The following FGGY variants were observed in gnomAD, a reference collection of about 807,000 sequenced individuals.
FGGY encodes the protein FGGY carbohydrate kinase domain containing.
In FGGY, 72 loss-of-function variants were observed where a neutral mutation model predicts 71.3. The ratio of observed to expected loss-of-function variants is 1.01; its 90% CI spans 0.84 to 1.23. The LOEUF is 1.23. Ranked by LOEUF, FGGY falls within the 50% of genes most tolerant of loss-of-function variation. The probability of loss-of-function intolerance (pLI) is 0.00; values close to 1 mark genes in which losing one functional copy is unlikely to be tolerated. For missense variants in FGGY, 668 were observed against 682.3 expected (o/e 0.98, Z 0.23); for synonymous variants, 251 against 250.3 (o/e 1.00, Z -0.02).
chr1:59,612,911 T>C (rs937446289), intron 9 of FGGY, among the ~76,000 whole-genome samples: 2 of 152,160 alleles, frequency 1.3e-5, no homozygotes, highest in Admixed American at 6.5e-5. Context: ...GGCCATTACA[T>C]AATGGTAAAG....
chr1:59,525,345 C>G (rs2094948217), intron 7 of FGGY, among the ~76,000 whole-genome samples: 1 of 152,178 alleles, frequency 6.6e-6, no homozygotes, highest in African/African-American at 2.4e-5. Flanking sequence ...GTGGAATGAG[C>G]CCAGCAGGCA....
At chr1:59,739,382 T>C (rs764899852) in intron 14 of FGGY, among the ~76,000 whole-genome samples, 25 of 152,178 alleles carry the variant, frequency 1.6e-4, no homozygotes, top group Non-Finnish European at 3.1e-4. Context: ...CAGCCTCACC[T>C]CACCTATCTG....
At chr1:59,562,425 A>G (rs2095806371) in intron 8 of FGGY, among the ~76,000 whole-genome samples, 1 of 152,240 alleles carries the variant, frequency 6.6e-6, no homozygotes, top group Non-Finnish European at 1.5e-5. Context: ...GGCTCAGGCC[A>G]GCTGATAGGT....
At chr1:59,540,772 C>T (rs77783576) in intron 7 of FGGY, among the ~76,000 whole-genome samples, 3 of 152,176 alleles carry the variant, frequency 2.0e-5, no homozygotes, top group East Asian at 1.9e-4. Flanking sequence ...CTCTGAAGAA[C>T]GGAGAGGAGG....
chr1:59,348,249 T>C (rs968753700), intron 4 of FGGY, among the ~76,000 whole-genome samples: 1 of 152,212 alleles, frequency 6.6e-6, no homozygotes, highest in Non-Finnish European at 1.5e-5. Context: ...TAAGTCCATA[T>C]CTTCTGACCA....
chr1:59,335,960 G>A (rs1033677356), intron 2 of FGGY, among the ~76,000 whole-genome samples: 15 of 151,950 alleles, frequency 9.9e-5, no homozygotes, highest in African/African-American at 2.2e-4. Flanking sequence ...TTGTCTTTTC[G>A]TTTTCTAATT....
rs181339531 is a variant in FGGY at position 59,303,049 on chromosome 1, G to A, written c.-15+5899G>A. ...ATTGTACATGCTCAAGGTGTGCAACGCAATTTGATATACATTGTGAAATGA... is the reference window on the plus strand; with the variant it reads ...ATTGTACATGCTCAAGGTGTGCAACACAATTTGATATACATTGTGAAATGA... On this transcript the variant is annotated intron_variant, in intron 1 of 15. Transcript: ENST00000303721. 1.7e-3 allele frequency among the ~76,000 whole-genome samples: 260 copies of A among 152,202 alleles called. 1 individual carries two copies. Among genetic ancestry groups the A allele is most frequent in the Non-Finnish European group, 2.9e-3 (200 of 67,996 alleles).
chr1:59,502,365 G>GA (rs2094252282), intron 6 of FGGY, among the ~76,000 whole-genome samples: 1 of 152,220 alleles, frequency 6.6e-6, no homozygotes, highest in African/African-American at 2.4e-5. Context: ...GATTGTAGAG[G>GA]AAAGAGTGAT....
At chr1:59,546,535 G>GATGATTATTATT (rs1399823769) in intron 7 of FGGY, among the ~76,000 whole-genome samples, 14 of 129,344 alleles carry the variant, frequency 1.1e-4, no homozygotes, top group African/African-American at 4.3e-4. Flanking sequence ...TGATGATGAT[G>GATGATTATTATT]ATTATTATTA....
At position 59,359,637 on chromosome 1, in the gene FGGY, A is replaced by G. The variant is rs1017873715; in HGVS notation, c.465+13239A>G. ...TCCCTGGAGGCTTGTCTGTTCATCC[A>G]GAATGGCCACTCTGGATTCCTATAA... On this transcript the variant is annotated intron_variant, in intron 4 of 15. Coordinates refer to ENST00000303721, the MANE Select transcript of FGGY (RefSeq NM_018291.5). Among the ~76,000 whole-genome samples the G allele has an allele frequency of 2.0e-5, 3 of 152,214 alleles. No individual in the cohort carries two copies. In the South Asian group the frequency reaches 6.2e-4, roughly 32 times the overall value.
intron 9 of FGGY, among the ~76,000 whole-genome samples, chr1:59,616,533 A>G (rs2096756342): frequency 6.6e-6 from 1 of 152,162 alleles, no homozygotes; most frequent in Non-Finnish European, 1.5e-5. Flanking sequence ...CTAATATTAA[A>G]TGACGAGTTA....
chr1:59,407,314 G>C (rs1282977344), intron 5 of FGGY, among the ~76,000 whole-genome samples: 1 of 152,112 alleles, frequency 6.6e-6, no homozygotes, highest in Non-Finnish European at 1.5e-5. Flanking sequence ...GCCAAGGCAA[G>C]ACAAAAAATG....
chr1:59,419,606 G>T (rs888848003), intron 5 of FGGY, among the ~76,000 whole-genome samples: 1 of 152,150 alleles, frequency 6.6e-6, no homozygotes, highest in Non-Finnish European at 1.5e-5. Context: ...ACTCGCTGTG[G>T]CCTTGGAAGA....
chr1:59,362,864 C>T (rs1571006562), intron 4 of FGGY, among the ~76,000 whole-genome samples: 1 of 152,192 alleles, frequency 6.6e-6, no homozygotes, highest in Admixed American at 6.5e-5. Context: ...GAAGTATATT[C>T]CTGCCTTTCA....
chr1:59,543,686 T>A (rs2095479923), intron 7 of FGGY, among the ~76,000 whole-genome samples: 1 of 151,594 alleles, frequency 6.6e-6, no homozygotes, highest in Admixed American at 6.6e-5. Flanking sequence ...TAATTAATAT[T>A]TTTTTTCCTT....
intron 6 of FGGY, among the ~76,000 whole-genome samples, chr1:59,478,302 C>G (rs1217645364): frequency 6.6e-6 from 1 of 152,114 alleles, no homozygotes; most frequent in African/African-American, 2.4e-5. Context: ...TATCCCTCAC[C>G]CCTTTGGTTG....
intron 14 of FGGY, among the ~76,000 whole-genome samples, chr1:59,724,536 T>A (rs1326834173): frequency 6.6e-6 from 1 of 152,146 alleles, no homozygotes; most frequent in Middle Eastern, 3.2e-3. Context: ...TCCCTCCTTT[T>A]TTCCCAACTC....
At chr1:59,504,298 G>A (rs1404674569) in intron 6 of FGGY, among the ~76,000 whole-genome samples, 27 of 152,150 alleles carry the variant, frequency 1.8e-4, no homozygotes, top group Non-Finnish European at 1.0e-4. Context: ...CCTGAGTTAT[G>A]TGAGCTGCTC....
chr1:59,705,482 C>T (rs116414159), intron 14 of FGGY, among the ~76,000 whole-genome samples: 215 of 152,276 alleles, frequency 1.4e-3, no homozygotes, highest in African/African-American at 5.0e-3. Context: ...TCAGAACATA[C>T]CAGGCTGGCA....
Sources: allele counts gnomAD v4.1 joint callset (sites outside exome capture counted in the v4.1 genomes callset), GRCh38; gene constraint gnomAD v4.1.1; transcripts MANE v1.5; gene names NCBI Gene and HGNC (gene_info 2026-07-23, HGNC 2026-07-21).